The following TMEM38A variants were observed in gnomAD, a reference collection of about 807,000 sequenced individuals.
TMEM38A encodes trimeric intracellular cation channel type A.
TMEM38A carries 17 observed loss-of-function variants against 28.6 expected under a neutral mutation model. The ratio of observed to expected loss-of-function variants is 0.60; its 90% CI spans 0.41 to 0.89. TMEM38A has a LOEUF of 0.89. Among genes scored for constraint, TMEM38A ranks in the 40% least tolerant of loss-of-function variants. The probability of loss-of-function intolerance (pLI) is 0.00; values close to 1 mark genes in which losing one functional copy is unlikely to be tolerated. For synonymous variants in TMEM38A, 169 were observed against 166.1 expected (o/e 1.02, Z -0.14); for missense variants, 328 against 393.1 (o/e 0.83, Z 1.40).
intron 1 of TMEM38A, among the ~76,000 whole-genome samples, chr19:16,670,221 G>A (rs886347123): frequency 1.3e-5 from 2 of 150,350 alleles, no homozygotes; most frequent in Admixed American, 6.6e-5. Flanking sequence ...ACCCGCCTCG[G>A]TCTCCCAAAG....
intron 1 of TMEM38A, among the ~76,000 whole-genome samples, chr19:16,664,007 A>G (rs982313439): frequency 6.6e-6 from 1 of 152,196 alleles, no homozygotes; most frequent in African/African-American, 2.4e-5. Flanking sequence ...GCTATCTTAA[A>G]TACACAATGA....
Position 16,679,997 on chromosome 19 carries a change from G to A in TMEM38A, c.138G>A (p.Leu46=), listed in dbSNP as rs142058540. Residue 46 remains leucine, a synonymous_variant, in exon 2 of 6, where the codon CTG becomes CTA. Coordinates refer to ENST00000187762, the MANE Select transcript of TMEM38A (RefSeq NM_024074.4). ...TGTGCCTCCCAGGAGCAGTCGAACT[G>A]TCCCGGCGCCACCCCATCGCGTCCT... The part of the protein sequence containing the change: ...YLKYEPGAVE[L]SRRHPIASWL... 36 of 1,606,776 alleles carry A rather than the reference G, an allele frequency of 2.2e-5. No individual in the cohort carries two copies. Among genetic ancestry groups the A allele is most frequent in the Non-Finnish European group, 2.8e-5 (33 of 1,179,630 alleles).
chr19:16,684,602 T>A (rs2086794082), intron 4 of TMEM38A, among the ~76,000 whole-genome samples: 1 of 152,188 alleles, frequency 6.6e-6, no homozygotes, highest in Admixed American at 6.5e-5. Context: ...AGGAAAACTC[T>A]GCATGTTGTA....
intron 1 of TMEM38A, among the ~76,000 whole-genome samples, chr19:16,678,193 G>C (rs2086760876): frequency 6.6e-6 from 1 of 152,242 alleles, no homozygotes. Flanking sequence ...CACTTTGGGA[G>C]GCCAAGGTGG....
chr19:16,685,760 T>G (rs2086799137), intron 4 of TMEM38A, among the ~76,000 whole-genome samples: 2 of 152,148 alleles, frequency 1.3e-5, no homozygotes. Flanking sequence ...GGCAGGACAC[T>G]CCAAGGGCTT....
chr19:16,688,276 G>T lies in TMEM38A; in HGVS notation c.805G>T (p.Gly269Cys). 6.2e-7 allele frequency: 1 copy of T among 1,608,276 alleles called. No individual in the cohort carries two copies. Among genetic ancestry groups the T allele is most frequent in the Non-Finnish European group, 8.5e-7 (1 of 1,177,218 alleles). ...CAACCATGGTGGGTCCCACAGCGGT[G>T]GTGGGCCAGGAGCTCAGCATTCGGC... is the stretch of plus-strand genomic sequence containing the variant. ...HDNHGGSHSG[G>C]GPGAQHSAMP... The change falls in exon 6 of 6, where the codon GGT (glycine) becomes TGT (cysteine). Residue 269 changes from glycine (G) to cysteine (C), a missense_variant. Transcript: ENST00000187762.
intron 1 of TMEM38A, among the ~76,000 whole-genome samples, chr19:16,670,808 G>A (rs954823530): frequency 1.2e-4 from 19 of 152,004 alleles, no homozygotes; most frequent in African/African-American, 3.9e-4. Flanking sequence ...GCCTGGTGGC[G>A]GGTGCCTGTA....
intron 1 of TMEM38A, among the ~76,000 whole-genome samples, chr19:16,673,764 A>G (rs1487125396): frequency 6.6e-6 from 1 of 152,084 alleles, no homozygotes; most frequent in Non-Finnish European, 1.5e-5. Flanking sequence ...TAATAAATGG[A>G]ACAGAGAAGG....
At position 16,661,668 on chromosome 19, in the gene TMEM38A, C is replaced by T. The variant is rs2086679792; in HGVS notation, c.124+327C>T. On this transcript the variant is annotated intron_variant, in intron 1 of 5. Coordinates refer to ENST00000187762, the MANE Select transcript of TMEM38A (RefSeq NM_024074.4). The surrounding 1 kb of genome is among the most constrained non-coding windows in gnomAD (Gnocchi z 6.5). Reference sequence around the variant, plus strand: ...CTTGGGCAAGGGGCGCCGGCTGTGGCGAGGGTGCAGGTGGGGGTCGGTGCA... The same window carrying T: ...CTTGGGCAAGGGGCGCCGGCTGTGGTGAGGGTGCAGGTGGGGGTCGGTGCA... 6.6e-6 allele frequency among the ~76,000 whole-genome samples: 1 copy of T among 151,834 alleles called. No homozygotes were observed. The highest frequency in any genetic ancestry group is 2.1e-4 in the South Asian group (1 of 4,810).
intron 1 of TMEM38A, among the ~76,000 whole-genome samples, chr19:16,676,754 C>A (rs1034808825): frequency 1.4e-5 from 2 of 138,704 alleles, no homozygotes; most frequent in Non-Finnish European, 3.0e-5. Flanking sequence ...ATTTTCATGA[C>A]CTTTTTTTTT....
At chr19:16,662,849 C>A (rs1350899067) in intron 1 of TMEM38A, among the ~76,000 whole-genome samples, 1 of 152,048 alleles carries the variant, frequency 6.6e-6, no homozygotes, top group African/African-American at 2.4e-5. Flanking sequence ...TTCTTAAAAG[C>A]TATCCTGGAG....
At chr19:16,667,760 G>C (rs2086709429) in intron 1 of TMEM38A, among the ~76,000 whole-genome samples, 1 of 151,946 alleles carries the variant, frequency 6.6e-6, no homozygotes, top group Non-Finnish European at 1.5e-5. Context: ...TTGGGAGGCT[G>C]AGGCACAAGT....
At chr19:16,668,699 G>T (rs1002472767) in intron 1 of TMEM38A, among the ~76,000 whole-genome samples, 9 of 151,926 alleles carry the variant, frequency 5.9e-5, no homozygotes, top group African/African-American at 1.7e-4. Flanking sequence ...ATGTCCTTTA[G>T]TTGGAATCAT....
chr19:16,675,303 G>C (rs906511605), intron 1 of TMEM38A, among the ~76,000 whole-genome samples: 1 of 149,586 alleles, frequency 6.7e-6, no homozygotes, highest in South Asian at 2.1e-4. Context: ...CCTTGATCAC[G>C]GCTCACTGCA....
chr19:16,680,833 G>A (rs1194387313), intron 3 of TMEM38A: 1 of 492,434 alleles, frequency 2.0e-6, no homozygotes, highest in Admixed American at 3.3e-5. Flanking sequence ...GCCAGAGCAG[G>A]TTTTCTCACT....
intron 2 of TMEM38A, 119 bp from the exon 3 acceptor site, chr19:16,680,278 G>A: frequency 1.4e-5 from 20 of 1,476,736 alleles, no homozygotes; most frequent in Non-Finnish European, 1.9e-5. Flanking sequence ...TGCCCTCCAT[G>A]CCCATCTCTG....
At chr19:16,683,547 C>G (rs1233428683) in intron 4 of TMEM38A, among the ~76,000 whole-genome samples, 6 of 143,728 alleles carry the variant, frequency 4.2e-5, no homozygotes, top group African/African-American at 1.6e-4. Context: ...AAGCTAGGAT[C>G]ATGCCACTGT....
At chr19:16,678,406 T>G (rs1418861208) in intron 1 of TMEM38A, among the ~76,000 whole-genome samples, 2 of 131,604 alleles carry the variant, frequency 1.5e-5, no homozygotes, top group Admixed American at 9.1e-5. Flanking sequence ...TCCAGCCTGG[T>G]GACAGAGTGA....
At chr19:16,680,286 C>G in intron 2 of TMEM38A, 111 bp from the exon 3 acceptor site, 2 of 1,488,118 alleles carry the variant, frequency 1.3e-6, no homozygotes, top group Middle Eastern at 1.9e-4. Context: ...ATGCCCATCT[C>G]TGGTCTAGGC....
Sources: gnomAD v4.1 joint callset for allele counts (sites outside exome capture counted in the v4.1 genomes callset) on GRCh38, gnomAD v4.1.1 for gene constraint, Gnocchi (gnomAD v3.1) non-coding constraint, MANE v1.5 for transcripts, NCBI Gene and HGNC (gene_info 2026-07-23, HGNC 2026-07-21) for gene names.